Variants in MSH3 observed in about 807,000 individuals in gnomAD.
MSH3 encodes mutS homolog 3, also known as DNA mismatch repair protein Msh3.
Under a neutral mutation model 123.3 loss-of-function variants are expected in MSH3, and 106 were observed. The observed-to-expected ratio is 0.86, with a 90% CI of 0.73 to 1.01. MSH3 has a LOEUF of 1.01. Ranked by LOEUF, MSH3 falls within the 50% of genes least tolerant of loss-of-function variation. The pLI is 0.00. For synonymous variants in MSH3, 515 were observed against 481.4 expected, an observed-to-expected ratio of 1.07 and a Z score of -0.91; for missense variants, 1,459 against 1,347.6, an observed-to-expected ratio of 1.08 and a Z score of -1.29.
chr5:80,741,327 T>C, intron 10 of MSH3, 137 bp from the exon 11 acceptor site: 1 of 676,646 alleles, frequency 1.5e-6, no homozygotes, highest in Non-Finnish European at 2.7e-6. Flanking sequence ...GAATTTTCAT[T>C]TTGCTCCTTT....
rs1745895503 is a variant in MSH3, at chr5:80,855,218, GTCTTTCCCTTCTCTGGTCTTTCTTT to G, written c.3000+903_3000+927del. 2.6e-5 allele frequency among the ~76,000 whole-genome samples: 4 copies of G among 151,628 alleles called. No individual in the cohort carries two copies. In the South Asian group the frequency reaches 8.3e-4, roughly 32 times the overall value. ...TCCCCTTCATGGCACCTCTCCTTAGGTCTTTCCCTTCTCTGGTCTTTCTTTCTGTTTTCCCCCCCATTTTCTTGCT... is the reference window on the plus strand; with the variant it reads ...TCCCCTTCATGGCACCTCTCCTTAGGCTGTTTTCCCCCCCATTTTCTTGCT... On this transcript the variant is annotated intron_variant, in intron 21 of 23. Coordinates refer to ENST00000265081, the MANE Select transcript of MSH3 (RefSeq NM_002439.5).
chr5:80,839,754 T>G (rs1430104682), intron 20 of MSH3, among the ~76,000 whole-genome samples: 1 of 152,140 alleles, frequency 6.6e-6, no homozygotes, highest in African/African-American at 2.4e-5. Flanking sequence ...ATATAAAAAG[T>G]GACACAATAA....
intron 8 of MSH3, among the ~76,000 whole-genome samples, chr5:80,694,133 T>G (rs1380839644): frequency 6.6e-6 from 1 of 152,210 alleles, no homozygotes; most frequent in Non-Finnish European, 1.5e-5. Flanking sequence ...ATTATTCAAC[T>G]GATGCTGCAG....
chr5:80,799,375 G>A (rs1429254066), intron 19 of MSH3, among the ~76,000 whole-genome samples: 1 of 152,064 alleles, frequency 6.6e-6, no homozygotes, highest in East Asian at 1.9e-4. Flanking sequence ...TGACATTTTC[G>A]AGGAATAAAA....
At chr5:80,685,587 T>C (rs1231833906) in intron 8 of MSH3, among the ~76,000 whole-genome samples, 2 of 151,978 alleles carry the variant, frequency 1.3e-5, no homozygotes, top group Non-Finnish European at 2.9e-5. Flanking sequence ...GTCTTACCAA[T>C]TTTATCTTTT....
chr5:80,775,917 T>C (rs1463141427), intron 16 of MSH3, among the ~76,000 whole-genome samples, 159 bp downstream of exon 16: 1 of 151,696 alleles, frequency 6.6e-6, no homozygotes, highest in Admixed American at 6.6e-5. Flanking sequence ...GGGGATGTAG[T>C]CTTGCTCTGT....
At chr5:80,717,227 T>G (rs1750981605) in intron 8 of MSH3, among the ~76,000 whole-genome samples, 1 of 152,180 alleles carries the variant, frequency 6.6e-6, no homozygotes, top group South Asian at 2.1e-4. Flanking sequence ...GTATACCCAG[T>G]AGTGAGATTG....
chr5:80,737,912 C>A (rs1358578019), intron 10 of MSH3, among the ~76,000 whole-genome samples: 1 of 151,990 alleles, frequency 6.6e-6, no homozygotes, highest in Non-Finnish European at 1.5e-5. Flanking sequence ...ATGTAGATAT[C>A]AGTTTAAAAA....
At chr5:80,737,173 C>T (rs979080226) in intron 10 of MSH3, among the ~76,000 whole-genome samples, 53 of 152,186 alleles carry the variant, frequency 3.5e-4, no homozygotes, top group African/African-American at 1.2e-3. Flanking sequence ...AAATTAACTG[C>T]CAAAAAGTTA....
rs6151654 is a variant in MSH3, at chr5:80,675,822, C to G, written c.1173+694C>G. ...ACAGATAGCAGAATAAAACACTAAG[C>G]CAACACAAGCATGGTGGCAAAGTGT... On this transcript the variant is annotated intron_variant, in intron 7 of 23. Transcript: ENST00000265081. Among the ~76,000 whole-genome samples the G allele has an allele frequency of 2.6e-3, 397 of 152,184 alleles. 3 individuals carry two copies. The highest frequency in any genetic ancestry group is 9.3e-3 in the African/African-American group (386 of 41,508).
intron 20 of MSH3, among the ~76,000 whole-genome samples, chr5:80,831,262 A>T (rs6151905): frequency 3.2e-3 from 480 of 152,322 alleles, no homozygotes; most frequent in African/African-American, 0.011. Flanking sequence ...TGTGATTTTT[A>T]AAAATAACAT....
At chr5:80,779,699 C>T (rs1037282112) in intron 17 of MSH3, among the ~76,000 whole-genome samples, 5 of 151,610 alleles carry the variant, frequency 3.3e-5, no homozygotes, top group African/African-American at 1.2e-4. Flanking sequence ...GCTGGGACTA[C>T]AGGCGCACAC....
chr5:80,804,970 T>C (rs1744862059), intron 19 of MSH3, among the ~76,000 whole-genome samples: 1 of 152,230 alleles, frequency 6.6e-6, no homozygotes, highest in African/African-American at 2.4e-5. Context: ...CCTTCAACAA[T>C]AGGGATCTTT....
At chr5:80,844,628 G>T (rs917605855) in intron 20 of MSH3, among the ~76,000 whole-genome samples, 1 of 152,180 alleles carries the variant, frequency 6.6e-6, no homozygotes, top group Non-Finnish European at 1.5e-5. Context: ...TCTTCCTGTT[G>T]AATTGATCCC....
intron 20 of MSH3, among the ~76,000 whole-genome samples, chr5:80,833,122 A>G (rs1469226609): frequency 6.6e-6 from 1 of 152,142 alleles, no homozygotes; most frequent in Non-Finnish European, 1.5e-5. Flanking sequence ...TGACCTATAT[A>G]AGGGTTATAG....
chr5:80,725,099 A>G (rs1743255939), intron 8 of MSH3, among the ~76,000 whole-genome samples: 1 of 151,612 alleles, frequency 6.6e-6, no homozygotes, highest in African/African-American at 2.4e-5. Flanking sequence ...CTGTAGCTTC[A>G]GCTACTCGGG....
chr5:80,667,716 A>G (rs1439647583), intron 3 of MSH3, among the ~76,000 whole-genome samples: 2 of 152,142 alleles, frequency 1.3e-5, no homozygotes, highest in African/African-American at 4.8e-5. Context: ...AACAGCTTCC[A>G]CAGCTGGCAC....
rs368084849 is a variant in MSH3 at position 80,675,140 on chromosome 5, G to A, written c.1173+12G>A. ...TTATTGGCATTGTGGTAAGTACTTT[G>A]CAGGTGAGGAACAAATGTTAGATGT... On this transcript the variant is annotated intron_variant, in intron 7 of 23. Coordinates refer to ENST00000265081, the MANE Select transcript of MSH3 (RefSeq NM_002439.5). The A allele has an allele frequency of 6.2e-7, 1 of 1,613,552 alleles. No individual in the cohort carries two copies. The highest frequency in any genetic ancestry group is 8.5e-7 in the Non-Finnish European group (1 of 1,179,694).
chr5:80,768,865 C>A lies in MSH3; in HGVS notation c.2115C>A (p.Asp705Glu), dbSNP rs575812929. ...KVGDKTELFK[D>E]LSDFPLIKKR... ...GGGATAAAACTGAATTATTTAAAGA[C>A]CTTTCTGACTTCCCTTTAATAAAAA... The change falls in exon 15 of 24, where the codon GAC (aspartate) becomes GAA (glutamate). Residue 705 changes from aspartate to glutamate, a missense_variant. By Grantham distance (45) the Asp-to-Glu change is conservative (BLOSUM62 2). Coordinates refer to ENST00000265081, the MANE Select transcript of MSH3 (RefSeq NM_002439.5). 1 of 1,610,570 alleles carries A rather than the reference C, an allele frequency of 6.2e-7. No individual in the cohort carries two copies. Among genetic ancestry groups the A allele is most frequent in the East Asian group, 2.2e-5 (1 of 44,702 alleles).
Sources: allele counts gnomAD v4.1 joint callset (sites outside exome capture counted in the v4.1 genomes callset), GRCh38; gene constraint gnomAD v4.1.1; transcripts MANE v1.5; gene names NCBI Gene and HGNC (gene_info 2026-07-23, HGNC 2026-07-21).